MYH16: variants seen among roughly 807,000 people sequenced by gnomAD.
MYH16 encodes the protein putative uncharacterized protein MYH16.
At chr7:99,262,911 C>T (rs144980916) in intron 13 of MYH16, among the ~76,000 whole-genome samples, 5 of 152,254 alleles carry the variant, frequency 3.3e-5, no homozygotes, top group African/African-American at 1.2e-4. Context: ...TCACGTAGCT[C>T]GGGATTCTAC....
intron 21 of MYH16, 128 bp from the exon 4 acceptor site, chr7:99,279,378 AAAAG>A: frequency 2.9e-6 from 1 of 344,784 alleles, no homozygotes; most frequent in East Asian, 7.9e-5. Flanking sequence ...AAAAAAAAAA[AAAAG>A]GAGCTCGAGA....
chr7:99,289,372 C>T (rs1457210425), exon 30 of MYH16: 1 of 445,780 alleles, frequency 2.2e-6, no homozygotes. Flanking sequence ...CGAAACCAAG[C>T]AGAAATCAAT....
At chr7:99,271,716 G>C (rs112817287) in intron 19 of MYH16, among the ~76,000 whole-genome samples, 1 of 152,138 alleles carries the variant, frequency 6.6e-6, no homozygotes, top group Admixed American at 6.5e-5. Flanking sequence ...ATTTTTGAGT[G>C]GGGGATGGGG....
At chr7:99,264,291 G>C (rs532437855) in exon 15 of MYH16, 2 of 152,780 alleles carry the variant, frequency 1.3e-5, no homozygotes, top group African/African-American at 4.8e-5. Context: ...CTTCATGACA[G>C]TCTCCAATTT....
chr7:99,240,543 T>A (rs966723427), intron 1 of MYH16, among the ~76,000 whole-genome samples: 1 of 152,202 alleles, frequency 6.6e-6, no homozygotes, highest in Admixed American at 6.5e-5. Context: ...CATTCCTGGT[T>A]AATTTCTTGA....
chr7:99,277,082 G>A (rs1792124710), intron 20 of MYH16, among the ~76,000 whole-genome samples: 1 of 151,296 alleles, frequency 6.6e-6, no homozygotes, highest in Non-Finnish European at 1.5e-5. Flanking sequence ...AGAAACAGTG[G>A]GCGAGTGAGA....
chr7:99,242,976 G>A (rs1396656258), intron 1 of MYH16, among the ~76,000 whole-genome samples: 1 of 152,220 alleles, frequency 6.6e-6, no homozygotes, highest in East Asian at 1.9e-4. Flanking sequence ...AACATAGGGA[G>A]GGAACGTCAT....
intron 41 of MYH16, among the ~76,000 whole-genome samples, chr7:99,306,271 G>A (rs1792677619): frequency 6.6e-6 from 1 of 152,172 alleles, no homozygotes; most frequent in Non-Finnish European, 1.5e-5. Context: ...GCTCATGCCT[G>A]TAATCCCAGC....
At chr7:99,297,710 C>T in exon 35 of MYH16, 1 of 456,502 alleles carries the variant, frequency 2.2e-6, no homozygotes. Context: ...AAGGAGTGTG[C>T]ATGAACTGCA....
At chr7:99,260,285 T>A in exon 12 of MYH16, 3 of 1,567,960 alleles carry the variant, frequency 1.9e-6, no homozygotes, top group Non-Finnish European at 2.6e-6. Flanking sequence ...GAGTGGGTCT[T>A]CATCGACTTT....
chr7:99,254,531 A>G (rs1791850837), intron 8 of MYH16, among the ~76,000 whole-genome samples: 1 of 152,252 alleles, frequency 6.6e-6, no homozygotes, highest in African/African-American at 2.4e-5. Context: ...GCTTGCATGC[A>G]GTCCCAGCAG....
chr7:99,252,050 C>T (rs1331727147), intron 6 of MYH16, among the ~76,000 whole-genome samples: 2 of 152,146 alleles, frequency 1.3e-5, no homozygotes, highest in Admixed American at 6.6e-5. Flanking sequence ...AGCTTTGATA[C>T]AGAACCTTGG....
chr7:99,262,533 T>A (rs762452295), intron 13 of MYH16, among the ~76,000 whole-genome samples: 11 of 152,228 alleles, frequency 7.2e-5, no homozygotes, highest in Non-Finnish European at 1.5e-4. Context: ...GTGGCACCTG[T>A]GCATTTCCAA....
At chr7:99,244,322 T>C (rs1472483522) in intron 2 of MYH16, among the ~76,000 whole-genome samples, 1 of 152,238 alleles carries the variant, frequency 6.6e-6, no homozygotes, top group Non-Finnish European at 1.5e-5. Context: ...TTTCACTTTG[T>C]CTGACATGAT....
chr7:99,291,617 A>ACCCCCCCCCCCCCCCCCCCCCCCCCCCC (rs34446113), intron 31 of MYH16, among the ~76,000 whole-genome samples, 167 bp downstream of exon 12: 1 of 105,960 alleles, frequency 9.4e-6, no homozygotes, highest in East Asian at 3.0e-4. Context: ...ACACAGCAAG[A>ACCCCCCCCCCCCCCCCCCCCCCCCCCCC]CCCCCCCCCA....
At chr7:99,256,546 G>A (rs1195192011) in intron 9 of MYH16, among the ~76,000 whole-genome samples, 1 of 152,196 alleles carries the variant, frequency 6.6e-6, no homozygotes, top group Non-Finnish European at 1.5e-5. Context: ...GGCCAAGGCA[G>A]GGGGATCACT....
At chr7:99,283,972 A>C in exon 25 of MYH16, 1 of 456,532 alleles carries the variant, frequency 2.2e-6, no homozygotes, top group South Asian at 1.5e-5. Context: ...CGACAACCTC[A>C]ATGAGATGGA....
At chr7:99,287,158 A>C (rs1235506808) in intron 28 of MYH16, among the ~76,000 whole-genome samples, 1 of 152,134 alleles carries the variant, frequency 6.6e-6, no homozygotes, top group Non-Finnish European at 1.5e-5. Context: ...CAGTTTGGAC[A>C]ATCTCAGTGG....
At chr7:99,244,148 C>A (rs749709547) in intron 2 of MYH16, among the ~76,000 whole-genome samples, 4 of 152,178 alleles carry the variant, frequency 2.6e-5, no homozygotes, top group Non-Finnish European at 4.4e-5. Flanking sequence ...AAACATCCAT[C>A]CATCCATCCA....
Sources: allele counts gnomAD v4.1 joint callset (sites outside exome capture counted in the v4.1 genomes callset), GRCh38; gene constraint gnomAD v4.1.1; transcripts MANE v1.5; gene names NCBI Gene and HGNC (gene_info 2026-07-23, HGNC 2026-07-21).